Variants in SLCO6A1 observed in about 807,000 individuals in gnomAD.
SLCO6A1 encodes solute carrier organic anion transporter family member 6A1.
SLCO6A1 carries 65 observed loss-of-function variants against 72.7 expected under a neutral mutation model. The ratio of observed to expected loss-of-function variants is 0.89; its 90% CI spans 0.73 to 1.10. The LOEUF is 1.10. Among genes scored for constraint, SLCO6A1 ranks in the 50% least tolerant of loss-of-function variants. The pLI is 0.00. For missense variants in SLCO6A1, 874 were observed against 872.6 expected (o/e 1.00, Z -0.02); for synonymous variants, 314 against 298.2 (o/e 1.05, Z -0.55).
intron 6 of SLCO6A1, among the ~76,000 whole-genome samples, chr5:102,442,355 C>T (rs927735035): frequency 1.3e-5 from 2 of 152,114 alleles, no homozygotes; most frequent in Non-Finnish European, 2.9e-5. Flanking sequence ...GGAAAAATTA[C>T]TCATTCTTTT....
intron 7 of SLCO6A1, among the ~76,000 whole-genome samples, chr5:102,438,139 T>C (rs1162566725): frequency 1.3e-5 from 2 of 151,840 alleles, no homozygotes; most frequent in African/African-American, 2.4e-5. Context: ...GGATAATACA[T>C]AAACAATAGT....
chr5:102,421,322 TG>T (rs1357109549), intron 7 of SLCO6A1, among the ~76,000 whole-genome samples: 1 of 152,104 alleles, frequency 6.6e-6, no homozygotes, highest in African/African-American at 2.4e-5. Context: ...CAAGTGGTCT[TG>T]CTCAGCAGGT....
intron 1 of SLCO6A1, among the ~76,000 whole-genome samples, chr5:102,491,414 G>A (rs532530791): frequency 2.6e-5 from 4 of 152,346 alleles, no homozygotes; most frequent in Non-Finnish European, 4.4e-5. Flanking sequence ...TTGGGTGGTC[G>A]ATGGGACTGG....
At chr5:102,491,787 G>A (rs764182338) in intron 1 of SLCO6A1, among the ~76,000 whole-genome samples, 5 of 152,362 alleles carry the variant, frequency 3.3e-5, no homozygotes, top group Non-Finnish European at 5.9e-5. Flanking sequence ...CCCAGAAAGG[G>A]GCTCCCACGG....
intron 1 of SLCO6A1, among the ~76,000 whole-genome samples, chr5:102,489,525 TA>T: frequency 6.6e-6 from 1 of 152,100 alleles, no homozygotes; most frequent in Non-Finnish European, 1.5e-5. Flanking sequence ...TCAACATCAC[TA>T]ATCATCAGGG....
intron 12 of SLCO6A1, among the ~76,000 whole-genome samples, chr5:102,387,588 C>T (rs878972733): frequency 2.8e-4 from 43 of 152,076 alleles, no homozygotes; most frequent in Admixed American, 1.7e-3. Flanking sequence ...ACTCAGTTTC[C>T]AGTGTAGGTC....
At chr5:102,457,687 A>G (rs1750802214) in intron 6 of SLCO6A1, among the ~76,000 whole-genome samples, 1 of 152,194 alleles carries the variant, frequency 6.6e-6, no homozygotes, top group Admixed American at 6.5e-5. Flanking sequence ...TGCGGAAGTC[A>G]ATGTGGCGAT....
chr5:102,483,191 T>C (rs1164152200), intron 1 of SLCO6A1, among the ~76,000 whole-genome samples: 2 of 152,196 alleles, frequency 1.3e-5, no homozygotes, highest in Non-Finnish European at 2.9e-5. Context: ...GAACATTCAT[T>C]CAGATAGGAT....
intron 6 of SLCO6A1, 29 bp downstream of exon 6, chr5:102,458,353 G>T (rs1038836237): frequency 5.3e-6 from 8 of 1,499,930 alleles, no homozygotes; most frequent in Non-Finnish European, 6.4e-6. Context: ...AACTTAGTTG[G>T]ATTGTTCAAG....
chr5:102,481,521 CT>C (rs1308863030), intron 1 of SLCO6A1, among the ~76,000 whole-genome samples: 1 of 152,196 alleles, frequency 6.6e-6, no homozygotes. Context: ...GCCCCAGCAA[CT>C]CTGGGAATTG....
chr5:102,431,233 GT>G (rs907774759), intron 7 of SLCO6A1, among the ~76,000 whole-genome samples: 2 of 152,018 alleles, frequency 1.3e-5, no homozygotes, highest in African/African-American at 2.4e-5. Flanking sequence ...TCCTTTGAAT[GT>G]TTTTTTGTGT....
At chr5:102,400,281 T>TA (rs1391218432) in intron 9 of SLCO6A1, among the ~76,000 whole-genome samples, 4 of 151,902 alleles carry the variant, frequency 2.6e-5, no homozygotes, top group Non-Finnish European at 5.9e-5. Context: ...TAAAGCATTT[T>TA]AAAATCAAAG....
chr5:102,431,658 G>T (rs1749224786), intron 7 of SLCO6A1, among the ~76,000 whole-genome samples: 1 of 152,130 alleles, frequency 6.6e-6, no homozygotes, highest in Admixed American at 6.5e-5. Context: ...TGATTTTGTG[G>T]TTGATTTTAG....
At chr5:102,442,934 A>T (rs1463395854) in intron 6 of SLCO6A1, among the ~76,000 whole-genome samples, 1 of 152,184 alleles carries the variant, frequency 6.6e-6, no homozygotes, top group African/African-American at 2.4e-5. Context: ...GCAGTGGCTC[A>T]CGCCTGTAAT....
At chr5:102,393,188 T>C (rs1191279463) in intron 10 of SLCO6A1, among the ~76,000 whole-genome samples, 1 of 152,184 alleles carries the variant, frequency 6.6e-6, no homozygotes, top group East Asian at 1.9e-4. Flanking sequence ...GCATTCTCCA[T>C]ATAAGAACGA....
intron 1 of SLCO6A1, among the ~76,000 whole-genome samples, chr5:102,497,216 C>G (rs1752947457): frequency 6.6e-6 from 1 of 152,156 alleles, no homozygotes; most frequent in Non-Finnish European, 1.5e-5. Context: ...TGTTCAAATT[C>G]ACCTTCTTCA....
intron 8 of SLCO6A1, among the ~76,000 whole-genome samples, chr5:102,418,412 T>A (rs1470794): frequency 0.65 from 98,300 of 151,862 alleles, 32,027 homozygotes; most frequent in African/African-American, 0.67. Context: ...AATATCTTGA[T>A]ATATTTTTCT....
At chr5:102,377,599 C>A (rs897847933) in intron 12 of SLCO6A1, among the ~76,000 whole-genome samples, 1 of 151,422 alleles carries the variant, frequency 6.6e-6, no homozygotes. Flanking sequence ...ATTAATTACA[C>A]CTCAGTTTTT....
intron 9 of SLCO6A1, among the ~76,000 whole-genome samples, chr5:102,407,857 C>T (rs1395673535): frequency 6.6e-6 from 1 of 152,102 alleles, no homozygotes; most frequent in Non-Finnish European, 1.5e-5. Flanking sequence ...TAGAAGTGAA[C>T]TCTTTCCAAG....
Sources: gnomAD v4.1 joint callset for allele counts (sites outside exome capture counted in the v4.1 genomes callset) on GRCh38, gnomAD v4.1.1 for gene constraint, MANE v1.5 for transcripts, NCBI Gene and HGNC (gene_info 2026-07-23, HGNC 2026-07-21) for gene names.